The following HDAC4 variants were observed in gnomAD, a reference collection of about 807,000 sequenced individuals.
HDAC4 encodes histone deacetylase A.
Under a neutral mutation model 135.1 loss-of-function variants are expected in HDAC4, and 16 were observed. The ratio of observed to expected loss-of-function variants is 0.12; its 90% CI spans 0.08 to 0.18. The LOEUF (loss-of-function observed/expected upper bound fraction) is 0.18, where lower values mean the gene tolerates loss of function less well. Among genes scored for constraint, HDAC4 ranks in the 10% least tolerant of loss-of-function variants. The probability of loss-of-function intolerance (pLI) is 1.00; values close to 1 mark genes in which losing one functional copy is unlikely to be tolerated. For missense variants in HDAC4, 1,143 were observed against 1,511.8 expected (o/e 0.76, Z 4.05); for synonymous variants, 685 against 653.4 (o/e 1.05, Z -0.74).
intron 5 of HDAC4, among the ~76,000 whole-genome samples, chr2:239,170,583 C>T (rs1489794868): frequency 1.3e-5 from 2 of 152,192 alleles, no homozygotes; most frequent in African/African-American, 2.4e-5. Flanking sequence ...GTTAGGAAAC[C>T]TGGAGTACTC....
intron 24 of HDAC4, among the ~76,000 whole-genome samples, chr2:239,056,025 A>G (rs2031785511): frequency 6.6e-6 from 1 of 152,188 alleles, no homozygotes. Flanking sequence ...TAGAGGTGAA[A>G]AGACAAAGTG....
At chr2:239,070,739 G>A (rs1383295111) in intron 22 of HDAC4, among the ~76,000 whole-genome samples, 1 of 152,222 alleles carries the variant, frequency 6.6e-6, no homozygotes, top group Non-Finnish European at 1.5e-5. Context: ...TGGAACAGAA[G>A]TGGAGCCTTT....
At chr2:239,143,000 T>A (rs552415011) in intron 8 of HDAC4, among the ~76,000 whole-genome samples, 8 of 149,730 alleles carry the variant, frequency 5.3e-5, no homozygotes, top group Admixed American at 5.3e-4. Context: ...TCAGGCCCTG[T>A]CACACATGAC....
intron 16 of HDAC4, among the ~76,000 whole-genome samples, chr2:239,096,103 T>C (rs1285267652): frequency 6.6e-6 from 1 of 152,136 alleles, no homozygotes; most frequent in Admixed American, 6.5e-5. Context: ...CTCCTAGGGC[T>C]GGCTGCCGGG....
intron 3 of HDAC4, among the ~76,000 whole-genome samples, chr2:239,202,104 G>A (rs1291577692): frequency 3.9e-5 from 6 of 152,170 alleles, no homozygotes; most frequent in Middle Eastern, 3.2e-3. Context: ...TGGAGAAGGC[G>A]AGCGGGTGCT....
intron 2 of HDAC4, among the ~76,000 whole-genome samples, chr2:239,281,345 A>G (rs1031688219): frequency 1.0e-4 from 11 of 109,888 alleles, no homozygotes; most frequent in African/African-American, 3.4e-4. Context: ...AACAATGTAC[A>G]CACCACTCTA....
At chr2:239,389,829 G>A (rs1173845151) in intron 1 of HDAC4, among the ~76,000 whole-genome samples, 2 of 152,214 alleles carry the variant, frequency 1.3e-5, no homozygotes, top group Non-Finnish European at 2.9e-5. Context: ...GCCGGCTTCT[G>A]GAAGAGGCAT....
At chr2:239,297,555 T>C (rs2051983728) in intron 2 of HDAC4, among the ~76,000 whole-genome samples, 1 of 152,202 alleles carries the variant, frequency 6.6e-6, no homozygotes, top group African/African-American at 2.4e-5. Flanking sequence ...TGCGGTTTCC[T>C]TAACGGAGGG....
Position 239,052,429 on chromosome 2 carries a change from A to AACTC in HDAC4, c.*664_*667dup. On this transcript the variant is annotated 3_prime_UTR_variant, in exon 27 of 27. Transcript: ENST00000543185. ...CCAGAGCAATAAAAAAAAAGGCACA[A>AACTC]ACTCGCATCTTCCGATGGCTTTTGA... 6.6e-6 allele frequency: 1 copy of AACTC among 152,572 alleles called. No homozygotes were observed. Among genetic ancestry groups the AACTC allele is most frequent in the Non-Finnish European group, 1.5e-5 (1 of 68,066 alleles). The allele number at this position is 152,572 out of a possible 1,614,324, so 9.5% of individuals were successfully genotyped here.
At chr2:239,378,006 C>T (rs898982163) in intron 1 of HDAC4, among the ~76,000 whole-genome samples, 1 of 152,184 alleles carries the variant, frequency 6.6e-6, no homozygotes, top group African/African-American at 2.4e-5. Context: ...AGAATTATGG[C>T]CATTGTCCTC....
chr2:239,124,656 T>C (rs2039993331), intron 12 of HDAC4, among the ~76,000 whole-genome samples: 2 of 152,120 alleles, frequency 1.3e-5, no homozygotes, highest in Non-Finnish European at 2.9e-5. Context: ...CCACGTTATA[T>C]GACATTCCGG....
rs769025619 is a variant in HDAC4 at position 239,120,395 on chromosome 2, G to GCACACACAGACA, written c.1534-5086_1534-5085insTGTCTGTGTGTG. Among the ~76,000 whole-genome samples, 119 of 145,314 alleles carry GCACACACAGACA rather than the reference G, an allele frequency of 8.2e-4. 1 individual carries two copies. The highest frequency in any genetic ancestry group is 1.4e-3 in the East Asian group (7 of 4,868). On this transcript the variant is annotated intron_variant, in intron 12 of 26. Transcript: ENST00000543185. ...TATACCCGCAGAGGCACACACAGACGCACACAGACACACACACACAGACAC... is the reference window on the plus strand; with the variant it reads ...TATACCCGCAGAGGCACACACAGACGCACACACAGACACACACAGACACACACACACAGACAC...
At chr2:239,181,638 C>T (rs775997377) in intron 4 of HDAC4, among the ~76,000 whole-genome samples, 10 of 152,262 alleles carry the variant, frequency 6.6e-5, no homozygotes, top group Non-Finnish European at 1.0e-4. Context: ...GACTCACAGG[C>T]GGCCCATAGC....
chr2:239,078,357 A>G (rs997098279), intron 22 of HDAC4, among the ~76,000 whole-genome samples: 6 of 152,180 alleles, frequency 3.9e-5, no homozygotes, highest in African/African-American at 1.4e-4. Flanking sequence ...GTGGCAGGCA[A>G]CGGGTCTGAA....
At position 239,066,814 on chromosome 2, in the gene HDAC4, C is replaced by T. The variant is rs746169536; in HGVS notation, c.2911G>A (p.Gly971Ser). 13 of 1,613,522 alleles carry T rather than the reference C, an allele frequency of 8.1e-6. No individual in the cohort carries two copies. The highest frequency in any genetic ancestry group is 2.2e-5 in the East Asian group (1 of 44,872). ...LTKQLMGLAGGRIVLALEGGH... is the reference protein window; with the variant it reads ...LTKQLMGLAGSRIVLALEGGH... ...CCCTCGAGGGCCAGGACAATCCGGC[C>T]GCCAGCCAGGCCCATCAGCTGCTTC... The change falls in exon 24 of 27, where the codon GGC (glycine) becomes AGC (serine). Residue 971 changes from glycine to serine, a missense_variant. By Grantham distance (56) the Gly-to-Ser change is moderately conservative. Coordinates refer to ENST00000543185, the MANE Select transcript of HDAC4 (RefSeq NM_001378414.1).
At chr2:239,087,716 C>T (rs750014174) in intron 18 of HDAC4, 102 bp from the exon 19 acceptor site, 18 of 1,076,200 alleles carry the variant, frequency 1.7e-5, no homozygotes, top group Non-Finnish European at 2.4e-5. Flanking sequence ...TTGGGCTACA[C>T]AGGAGGACAG....
intron 2 of HDAC4, among the ~76,000 whole-genome samples, chr2:239,258,157 T>C (rs1335189879): frequency 6.6e-6 from 1 of 152,022 alleles, no homozygotes; most frequent in East Asian, 1.9e-4. Context: ...GACTCCATCA[T>C]TTAACAGATT....
intron 7 of HDAC4, among the ~76,000 whole-genome samples, chr2:239,152,095 C>T (rs1283103102): frequency 2.0e-5 from 3 of 152,182 alleles, no homozygotes; most frequent in African/African-American, 4.8e-5. Context: ...AAGAAGATCA[C>T]GATGAAGATG....
intron 3 of HDAC4, among the ~76,000 whole-genome samples, chr2:239,229,645 T>C (rs1278594468): frequency 6.6e-6 from 1 of 152,148 alleles, no homozygotes; most frequent in Non-Finnish European, 1.5e-5. Flanking sequence ...AGGTATATAT[T>C]GGTTTGGCCC....
Sources: gnomAD v4.1 joint callset for allele counts (sites outside exome capture counted in the v4.1 genomes callset) on GRCh38, gnomAD v4.1.1 for gene constraint, MANE v1.5 for transcripts, NCBI Gene and HGNC (gene_info 2026-07-23, HGNC 2026-07-21) for gene names.